The following FBN2 variants were observed in gnomAD, a reference collection of about 807,000 sequenced individuals.
FBN2 encodes fibrillin-2.
FBN2 carries 105 observed loss-of-function variants against 355.6 expected under a neutral mutation model. The observed-to-expected ratio is 0.30, with a 90% confidence interval of 0.25 to 0.35. The LOEUF (loss-of-function observed/expected upper bound fraction) is 0.35. FBN2 is among the 10% of genes least tolerant of loss of function. The pLI is 1.00. For synonymous variants in FBN2, 1,350 were observed against 1,301.2 expected, an observed-to-expected ratio of 1.04 and a Z score of -0.81; for missense variants, 3,280 against 3,758.7, an observed-to-expected ratio of 0.87 and a Z score of 3.33.
Position 128,300,936 on chromosome 5 carries a change from T to A in FBN2, c.6047A>T (p.Asp2016Val). 6.2e-7 allele frequency: 1 copy of A among 1,613,444 alleles called. No homozygotes were observed. Among genetic ancestry groups the A allele is most frequent in the Non-Finnish European group, 8.5e-7 (1 of 1,179,408 alleles). The change falls in exon 48 of 65, where the codon GAC becomes GTC. Residue 2016 changes from aspartate to valine, a missense_variant and splice_region_variant. This residue lies in a region of FBN2 where 2,284 missense variants were observed against 2,749.5 expected (regional missense o/e 0.83). Transcript: ENST00000262464. ...ELTPDGKNCI[D>V]TNECVALPGS... Reference sequence around the variant, plus strand: ...GGGAAGGGCGACACACTCATTAGTGTCTTTAGAGAAAAAGAAGAGAAAAAA... The same window carrying A: ...GGGAAGGGCGACACACTCATTAGTGACTTTAGAGAAAAAGAAGAGAAAAAA...
intron 5 of FBN2, among the ~76,000 whole-genome samples, chr5:128,492,176 T>C (rs1159530055): frequency 1.3e-5 from 2 of 152,164 alleles, no homozygotes; most frequent in African/African-American, 2.4e-5. Flanking sequence ...ATAGTATTAA[T>C]ATATGTTCAA....
At chr5:128,506,036 T>C (rs1355560931) in intron 5 of FBN2, among the ~76,000 whole-genome samples, 1 of 152,206 alleles carries the variant, frequency 6.6e-6, no homozygotes, top group African/African-American at 2.4e-5. Context: ...ACTTAACTTT[T>C]TAAGAAACTT....
chr5:128,277,842 GC>G (rs940249059), intron 58 of FBN2, 37 bp downstream of exon 58: 12 of 1,612,156 alleles, frequency 7.4e-6, no homozygotes, highest in African/African-American at 1.3e-5. Context: ...TAGCTGATTA[GC>G]CCCCAAACCC....
intron 6 of FBN2, 77 bp downstream of exon 6, chr5:128,464,647 G>A (rs1754656246): frequency 1.4e-6 from 2 of 1,474,498 alleles, no homozygotes; most frequent in Admixed American, 1.7e-5. Context: ...CTACCATCCA[G>A]TGCCAGATTC....
At chr5:128,301,057 C>T (rs1749701923) in intron 47 of FBN2, 121 bp from the exon 48 acceptor site, 1 of 882,844 alleles carries the variant, frequency 1.1e-6, no homozygotes, top group Admixed American at 2.0e-5. Flanking sequence ...ACTGGGTCAC[C>T]ATGAACAAAT....
At chr5:128,316,958 T>C (rs1750217512) in intron 36 of FBN2, among the ~76,000 whole-genome samples, 1 of 152,006 alleles carries the variant, frequency 6.6e-6, no homozygotes, top group African/African-American at 2.4e-5. Flanking sequence ...TGAGAATCAC[T>C]TTGCGAACTG....
intron 8 of FBN2, among the ~76,000 whole-genome samples, chr5:128,396,322 T>C (rs547290451): frequency 7.2e-5 from 11 of 152,306 alleles, no homozygotes; most frequent in African/African-American, 2.6e-4. Flanking sequence ...TGCAGAAGCA[T>C]AGTCAGGCTG....
intron 5 of FBN2, among the ~76,000 whole-genome samples, chr5:128,514,199 G>A (rs1422181416): frequency 6.6e-6 from 1 of 152,116 alleles, no homozygotes; most frequent in Non-Finnish European, 1.5e-5. Flanking sequence ...AGGGTAATTG[G>A]TCATGAATTA....
At chr5:128,526,350 A>G (rs1010423997) in intron 4 of FBN2, among the ~76,000 whole-genome samples, 3 of 152,136 alleles carry the variant, frequency 2.0e-5, no homozygotes, top group African/African-American at 7.2e-5. Flanking sequence ...CAGCATTTCA[A>G]AAAATTAATA....
chr5:128,272,145 T>C (rs1488496982), intron 61 of FBN2, 27 bp from the exon 62 acceptor site: 1 of 1,613,396 alleles, frequency 6.2e-7, no homozygotes, highest in Non-Finnish European at 8.5e-7. Context: ...GGCAAAACCT[T>C]TATGTCACCT....
At chr5:128,320,443 G>C (rs1223580109) in intron 34 of FBN2, among the ~76,000 whole-genome samples, 1 of 152,020 alleles carries the variant, frequency 6.6e-6, no homozygotes, top group African/African-American at 2.4e-5. Flanking sequence ...TGAACTCCTG[G>C]GCTCATGGGA....
Position 128,351,134 on chromosome 5 carries a change from G to A in FBN2, c.2675-129C>T, listed in dbSNP as rs900816453. The stretch of plus-strand genomic sequence containing the variant: ...TTACTGGCTCACGCCTGTAATCCCA[G>A]CACTTTGGGAGGCTGAGGAGGAAGG... On this transcript the variant is annotated intron_variant, in intron 20 of 64. Coordinates refer to ENST00000262464, the MANE Select transcript of FBN2 (RefSeq NM_001999.4). 11 of 1,127,226 alleles carry A rather than the reference G, an allele frequency of 9.8e-6. No individual in the cohort carries two copies. The Admixed American group carries it at 1.5e-4, about 16-fold the overall frequency. The allele number at this position is 1,127,226 out of a possible 1,614,324, so 69.8% of individuals were successfully genotyped here.
chr5:128,537,669 C>G lies in FBN2; in HGVS notation c.-66G>C. On this transcript the variant is annotated 5_prime_UTR_variant, in exon 1 of 65. Transcript: ENST00000262464. ...GGAGTGATCAAAGACAAAATCTGCG[C>G]GCCTCAGAAAAGAGTCAGGGTCTAA... The G allele has an allele frequency of 6.6e-7, 1 of 1,513,156 alleles. No individual in the cohort carries two copies. The highest frequency in any genetic ancestry group is 1.2e-5 in the South Asian group (1 of 86,218). 93.7% of individuals were successfully genotyped at this position (1,513,156 alleles called of 1,614,324 possible). A position where few individuals can be genotyped will look rare whatever the true frequency, so the allele number is the denominator to read the frequency against.
intron 5 of FBN2, among the ~76,000 whole-genome samples, chr5:128,490,785 C>CT (rs1280519524): frequency 6.6e-6 from 1 of 152,258 alleles, no homozygotes; most frequent in East Asian, 1.9e-4. Flanking sequence ...AAATTCATCT[C>CT]TTTTTTGTTC....
intron 24 of FBN2, among the ~76,000 whole-genome samples, chr5:128,344,990 C>A (rs1751133978): frequency 6.6e-6 from 1 of 152,162 alleles, no homozygotes; most frequent in Non-Finnish European, 1.5e-5. Context: ...CGTGAGCCAC[C>A]ACGCCCGGCC....
At chr5:128,381,613 A>T (rs1451056990) in intron 11 of FBN2, among the ~76,000 whole-genome samples, 2 of 152,130 alleles carry the variant, frequency 1.3e-5, no homozygotes, top group African/African-American at 2.4e-5. Flanking sequence ...AAAATATTAA[A>T]ACTCATTTTC....
Position 128,455,653 on chromosome 5 carries a change from G to A in FBN2, c.827-9047C>T, listed in dbSNP as rs555520797. Among the ~76,000 whole-genome samples the A allele has an allele frequency of 3.9e-5, 6 of 152,228 alleles. No homozygotes were observed. The East Asian group carries it at 1.2e-3, about 29-fold the overall frequency. On this transcript the variant is annotated intron_variant, in intron 6 of 64. Coordinates refer to ENST00000262464, the MANE Select transcript of FBN2 (RefSeq NM_001999.4). ...CTAGAAGGCTGGCGTGATCCACAGA[G>A]AGAAGGATGAGTAGTGTGGTGCCAC... is the stretch of plus-strand genomic sequence containing the variant.
chr5:128,445,203 A>G (rs1754034449), intron 7 of FBN2, among the ~76,000 whole-genome samples: 1 of 152,208 alleles, frequency 6.6e-6, no homozygotes, highest in Non-Finnish European at 1.5e-5. Flanking sequence ...ACAATTTCAC[A>G]GAGAATTTAT....
chr5:128,300,247 C>T (rs1749676140), intron 48 of FBN2, among the ~76,000 whole-genome samples: 1 of 152,196 alleles, frequency 6.6e-6, no homozygotes, highest in African/African-American at 2.4e-5. Flanking sequence ...ATAAAGTGAA[C>T]TGTAAAAAAG....
Sources: allele counts gnomAD v4.1 joint callset (sites outside exome capture counted in the v4.1 genomes callset), GRCh38; gene constraint gnomAD v4.1.1; regional missense constraint gnomAD v4.1.1; transcripts MANE v1.5; gene names NCBI Gene and HGNC (gene_info 2026-07-23, HGNC 2026-07-21).